CFDP1: variants seen among roughly 807,000 people sequenced by gnomAD.
CFDP1 encodes the protein heterochromatin-stabilizing protein CFDP1.
CFDP1 carries 31 observed loss-of-function variants against 40.1 expected under a neutral mutation model. That is an observed-to-expected ratio of 0.77 (90% CI 0.58 to 1.04). The LOEUF (loss-of-function observed/expected upper bound fraction) is 1.04. Ranked by LOEUF, CFDP1 falls within the 50% of genes least tolerant of loss-of-function variation. The pLI, the probability that CFDP1 is intolerant of heterozygous loss-of-function variation, is 0.00. For synonymous variants in CFDP1, 167 were observed against 120.0 expected, an observed-to-expected ratio of 1.39 and a Z score of -2.56; for missense variants, 423 against 343.4, an observed-to-expected ratio of 1.23 and a Z score of -1.83.
intron 5 of CFDP1, among the ~76,000 whole-genome samples, chr16:75,343,387 C>G (rs1423827199): frequency 6.6e-6 from 1 of 152,140 alleles, no homozygotes; most frequent in African/African-American, 2.4e-5. Context: ...CGTGGAACAG[C>G]CTGGCTATGG....
intron 5 of CFDP1, among the ~76,000 whole-genome samples, chr16:75,312,089 G>C (rs11859684): frequency 2.6e-5 from 4 of 152,016 alleles, no homozygotes; most frequent in Admixed American, 6.6e-5. Flanking sequence ...GCTAAAATCC[G>C]TAAGGCTAAA....
intron 1 of CFDP1, among the ~76,000 whole-genome samples, chr16:75,429,765 A>C (rs2079387675): frequency 6.6e-6 from 1 of 152,226 alleles, no homozygotes; most frequent in African/African-American, 2.4e-5. Flanking sequence ...AATGAATGTA[A>C]ATATTTTGGG....
intron 1 of CFDP1, among the ~76,000 whole-genome samples, chr16:75,426,667 C>T (rs910142215): frequency 6.6e-6 from 1 of 151,680 alleles, no homozygotes; most frequent in Non-Finnish European, 1.5e-5. Context: ...CAGAGCAAGA[C>T]TCTGTTTCAA....
rs35698522 is a variant in CFDP1 at position 75,405,749 on chromosome 16, C to CAAA, written c.530+6073_530+6075dup. ...TGGGTGACAGAGTGAGACTCCATCT[C>CAAA]AAAAAAAAAAAAAAAACAAATGAGC... On this transcript the variant is annotated intron_variant, in intron 4 of 6. Coordinates refer to ENST00000283882, the MANE Select transcript of CFDP1 (RefSeq NM_006324.3). 3.0e-4 allele frequency among the ~76,000 whole-genome samples: 30 copies of CAAA among 100,404 alleles called. 1 individual carries two copies. The highest frequency in any genetic ancestry group is 1.0e-3 in the African/African-American group (25 of 24,142). The allele number at this position is 100,404 out of a possible 152,430, so 65.9% of individuals were successfully genotyped here. A position where few individuals can be genotyped will look rare whatever the true frequency, so the allele number is the denominator to read the frequency against.
At chr16:75,362,609 G>A (rs1351840795) in intron 5 of CFDP1, among the ~76,000 whole-genome samples, 1 of 152,186 alleles carries the variant, frequency 6.6e-6, no homozygotes, top group East Asian at 1.9e-4. Context: ...AACACAAGCT[G>A]TAAGTTAAGG....
intron 2 of CFDP1, among the ~76,000 whole-genome samples, chr16:75,413,822 C>G (rs545298390): frequency 6.6e-6 from 1 of 152,256 alleles, no homozygotes; most frequent in Admixed American, 6.5e-5. Context: ...GGAAAAGAAG[C>G]CCATACCAGG....
intron 1 of CFDP1, among the ~76,000 whole-genome samples, chr16:75,424,422 A>G (rs1025258718): frequency 6.6e-6 from 1 of 152,218 alleles, no homozygotes; most frequent in African/African-American, 2.4e-5. Flanking sequence ...CTAACACCAC[A>G]TCAAGTGGTA....
intron 1 of CFDP1, 111 bp from the exon 2 acceptor site, chr16:75,414,806 G>C (rs1406910891): frequency 2.7e-6 from 2 of 735,408 alleles, no homozygotes; most frequent in East Asian, 5.0e-5. Context: ...AAGAAAAAGT[G>C]AATTTTCCCC....
At chr16:75,378,210 A>G (rs1234933269) in intron 5 of CFDP1, among the ~76,000 whole-genome samples, 1 of 152,184 alleles carries the variant, frequency 6.6e-6, no homozygotes, top group Non-Finnish European at 1.5e-5. Flanking sequence ...CAACTAGAGG[A>G]CAAGTCAACC....
chr16:75,315,926 A>T (rs1340230623), intron 5 of CFDP1, among the ~76,000 whole-genome samples: 2 of 152,118 alleles, frequency 1.3e-5, no homozygotes, highest in Non-Finnish European at 2.9e-5. Flanking sequence ...TCACATTTCA[A>T]AGTTTCTTTA....
At chr16:75,377,905 A>G (rs570027203) in intron 5 of CFDP1, among the ~76,000 whole-genome samples, 1 of 152,310 alleles carries the variant, frequency 6.6e-6, no homozygotes, top group Admixed American at 6.5e-5. Flanking sequence ...CATCTATTTC[A>G]CGCAGCAACT....
In CFDP1 at chr16:75,351,939, T is replaced by C. The variant is rs1044278379; in HGVS notation, c.650+43151A>G. Among the ~76,000 whole-genome samples the C allele has an allele frequency of 6.0e-5, 8 of 133,488 alleles. No individual in the cohort carries two copies. In the East Asian group the frequency reaches 1.1e-3, roughly 18 times the overall value. 87.6% of individuals were successfully genotyped at this position (133,488 alleles called of 152,430 possible). A position where few individuals can be genotyped will look rare whatever the true frequency, so the allele number is the denominator to read the frequency against. On this transcript the variant is annotated intron_variant, in intron 5 of 6. Coordinates refer to ENST00000283882, the MANE Select transcript of CFDP1 (RefSeq NM_006324.3). ...AAGAGAATCACTTGAACCCGGGAGG[T>C]AGAGGTTGCAGTAAGCCAAGATTGC...
rs59603577 is a variant in CFDP1 at position 75,321,312 on chromosome 16, T to C, written c.651-16130A>G. On this transcript the variant is annotated intron_variant, in intron 5 of 6. Transcript: ENST00000283882. ...CTTTACTGAGATGTAATCCACATTC[T>C]AAAGATTTCACCTATTTAAAATGGT... 3.0e-4 allele frequency among the ~76,000 whole-genome samples: 45 copies of C among 152,312 alleles called. No individual in the cohort carries two copies. The East Asian group carries it at 8.1e-3, about 27-fold the overall frequency.
chr16:75,312,803 A>G (rs557872802), intron 5 of CFDP1, among the ~76,000 whole-genome samples: 13 of 152,262 alleles, frequency 8.5e-5, no homozygotes, highest in African/African-American at 3.1e-4. Context: ...CTTCCTATAT[A>G]AGACACCACC....
At chr16:75,338,872 C>A (rs780773430) in intron 5 of CFDP1, among the ~76,000 whole-genome samples, 11 of 152,128 alleles carry the variant, frequency 7.2e-5, no homozygotes, top group Non-Finnish European at 1.6e-4. Context: ...CATCCTCTTG[C>A]GTGTTACCAG....
At chr16:75,341,486 T>A (rs1432775096) in intron 5 of CFDP1, among the ~76,000 whole-genome samples, 2 of 152,178 alleles carry the variant, frequency 1.3e-5, no homozygotes, top group Non-Finnish European at 2.9e-5. Flanking sequence ...AAGAGAAGAT[T>A]GGTAGTTTTT....
chr16:75,379,379 C>T (rs72787135), intron 5 of CFDP1, among the ~76,000 whole-genome samples: 10,071 of 150,866 alleles, frequency 0.067, 369 homozygotes, highest in Middle Eastern at 0.12. Flanking sequence ...TTACCAATAT[C>T]GGAGGTAATG....
intron 1 of CFDP1, among the ~76,000 whole-genome samples, chr16:75,423,531 T>C (rs567131660): frequency 6.6e-6 from 1 of 152,030 alleles, no homozygotes; most frequent in Non-Finnish European, 1.5e-5. Context: ...TTTTTGTTTT[T>C]TGAGACGGAG....
chr16:75,426,540 G>T (rs1597409006), intron 1 of CFDP1, among the ~76,000 whole-genome samples: 4 of 152,164 alleles, frequency 2.6e-5, no homozygotes, highest in Admixed American at 2.6e-4. Flanking sequence ...GCCAGGCATG[G>T]TGTCTCATGC....
Sources: allele counts gnomAD v4.1 joint callset (sites outside exome capture counted in the v4.1 genomes callset), GRCh38; gene constraint gnomAD v4.1.1; transcripts MANE v1.5; gene names NCBI Gene and HGNC (gene_info 2026-07-23, HGNC 2026-07-21).